The following MAP7D3 variants were observed in gnomAD, a reference collection of about 807,000 sequenced individuals.
MAP7D3 encodes the protein MAP7 domain containing 3, also known as MAP7 domain-containing protein 3.
Under a neutral mutation model 62.2 loss-of-function variants are expected in MAP7D3, and 45 were observed. That is an observed-to-expected ratio of 0.72 (90% CI 0.57 to 0.93). The LOEUF (loss-of-function observed/expected upper bound fraction) is 0.93, where lower values mean the gene tolerates loss of function less well. Ranked by LOEUF, MAP7D3 falls within the 40% of genes least tolerant of loss-of-function variation. MAP7D3 has a pLI of 0.00. For synonymous variants in MAP7D3, 288 were observed against 248.8 expected (o/e 1.16, Z -1.48); for missense variants, 711 against 683.1 (o/e 1.04, Z -0.45).
At position 136,219,793 on chromosome X, in the gene MAP7D3, T is replaced by C. The variant is rs773189801; in HGVS notation, c.2487-122A>G. On this transcript the variant is annotated intron_variant, in intron 16 of 18. Coordinates refer to ENST00000316077, the MANE Select transcript of MAP7D3 (RefSeq NM_024597.4). ...CTTGGAATTAAAAAACATTTCAGAA[T>C]CATAGAACAGGATGACTGAAAGGAA... The C allele has an allele frequency of 6.2e-5, 37 of 593,791 alleles. 1 individual carries two copies. The Middle Eastern group carries it at 3.2e-3, about 51-fold the overall frequency. The allele number at this position is 593,791 out of a possible 1,213,427, so 48.9% of individuals were successfully genotyped here.
chrX:136,236,467 T>C (rs764498027), intron 6 of MAP7D3, 128 bp from the exon 7 acceptor site: 1 of 328,658 alleles, frequency 3.0e-6, no homozygotes, highest in South Asian at 1.2e-4. Context: ...TCAAATATTA[T>C]GCAGAGATTC....
At chrX:136,255,003 G>A (rs746494942), upstream of MAP7D3, among the ~76,000 whole-genome samples, 1 of 112,197 alleles carries the variant, frequency 8.9e-6, no homozygotes, top group Non-Finnish European at 1.9e-5. Context: ...ATCACCTGAG[G>A]TCAGGATTCC....
At chrX:136,219,971 TAGTA>T (rs1450181855) in intron 16 of MAP7D3, among the ~76,000 whole-genome samples, 1 of 111,053 alleles carries the variant, frequency 9.0e-6, no homozygotes, top group Non-Finnish European at 1.9e-5. Context: ...CAGTGAGGTG[TAGTA>T]ACAGAATTGG....
rs144383969 is a variant in MAP7D3 at position 136,248,291 on chromosome X, G to A, written c.71-1950C>T. 4.3e-4 allele frequency among the ~76,000 whole-genome samples: 48 copies of A among 112,509 alleles called. No homozygotes were observed. The East Asian group carries it at 0.013, about 31-fold the overall frequency. On this transcript the variant is annotated intron_variant, in intron 1 of 18. Transcript: ENST00000316077. ...TGAACCGAATCATATAAAGGTTAAT[G>A]TGGTAGTAGTATCAAATCTGATTTT...
chrX:136,242,180 C>A (rs2074397186), intron 4 of MAP7D3, among the ~76,000 whole-genome samples: 1 of 112,482 alleles, frequency 8.9e-6, no homozygotes, highest in Non-Finnish European at 1.9e-5. Flanking sequence ...AAAGTTGATA[C>A]AATGGGCAAC....
chrX:136,240,338 T>C (rs1396985087), intron 6 of MAP7D3, 44 bp downstream of exon 6: 1 of 808,690 alleles, frequency 1.2e-6, no homozygotes, highest in Admixed American at 2.3e-5. Context: ...AGAACTGATT[T>C]CATTTAATAG....
At chrX:136,223,243 T>C (rs1281429715) in intron 14 of MAP7D3, among the ~76,000 whole-genome samples, 1 of 111,372 alleles carries the variant, frequency 9.0e-6, no homozygotes, top group Non-Finnish European at 1.9e-5. Context: ...TAAATTCTCA[T>C]GTCATTTAAT....
At chrX:136,230,138 T>C (rs2074249566) in intron 10 of MAP7D3, among the ~76,000 whole-genome samples, 1 of 107,971 alleles carries the variant, frequency 9.3e-6, no homozygotes, top group Non-Finnish European at 1.9e-5. Flanking sequence ...GCCAGACCTA[T>C]GCTTTTAAAA....
chrX:136,229,309 A>G (rs1283674024), intron 10 of MAP7D3, among the ~76,000 whole-genome samples: 3 of 111,587 alleles, frequency 2.7e-5, no homozygotes, highest in Non-Finnish European at 5.6e-5. Flanking sequence ...GCATATGATG[A>G]TATTTTGGTC....
At chrX:136,250,749 C>T (rs1172970635) in intron 1 of MAP7D3, among the ~76,000 whole-genome samples, 1 of 112,281 alleles carries the variant, frequency 8.9e-6, no homozygotes, top group Non-Finnish European at 1.9e-5. Flanking sequence ...AGTAAAAGCG[C>T]CTAAACTCGC....
upstream of MAP7D3, among the ~76,000 whole-genome samples, chrX:136,252,564 C>T (rs1453930379): frequency 9.8e-6 from 1 of 101,700 alleles, no homozygotes; most frequent in Non-Finnish European, 2.0e-5. Context: ...GTAATCCCAG[C>T]TACTTGGGAG....
At position 136,225,936 on chromosome X, in the gene MAP7D3, A is replaced by G. The variant is rs771643067; in HGVS notation, c.2112T>C (p.Asn704=). The change falls in exon 13 of 19, where the codon AAT becomes AAC. Residue 704 remains asparagine (N), a synonymous_variant. Transcript: ENST00000316077. ...KKEHERIMLQ[N]LQERLERKKR... Reference sequence around the variant, plus strand: ...TTTTCCTTTCTAACCGTTCTTGTAAATTTTGTAACATAATTCTCTCGTGTT... The same window carrying G: ...TTTTCCTTTCTAACCGTTCTTGTAAGTTTTGTAACATAATTCTCTCGTGTT... 2.5e-6 allele frequency: 3 copies of G among 1,199,405 alleles called. No homozygotes were observed. The South Asian group carries it at 5.4e-5, about 22-fold the overall frequency.
upstream of MAP7D3, among the ~76,000 whole-genome samples, chrX:136,253,096 C>T (rs1279736081): frequency 1.8e-5 from 2 of 110,448 alleles, no homozygotes; most frequent in Admixed American, 9.6e-5. Flanking sequence ...GACTCTGTCT[C>T]GAAGAAAAAA....
intron 16 of MAP7D3, among the ~76,000 whole-genome samples, chrX:136,220,028 C>G (rs778836488): frequency 8.9e-6 from 1 of 112,297 alleles, no homozygotes; most frequent in Non-Finnish European, 1.9e-5. Context: ...ATCATCACAC[C>G]TCTCAGCAGA....
At chrX:136,233,627 A>C (rs1473362610) in intron 7 of MAP7D3, among the ~76,000 whole-genome samples, 4 of 88,180 alleles carry the variant, frequency 4.5e-5, no homozygotes, top group Non-Finnish European at 8.9e-5. Flanking sequence ...AGACCTGGTA[A>C]ATTAAACTAA....
chrX:136,256,307 G>A (rs1569532617), upstream of MAP7D3: 6 of 1,154,561 alleles, frequency 5.2e-6, no homozygotes, highest in East Asian at 3.3e-5. Context: ...GACTTACCTC[G>A]GGGGCTGGTC....
upstream of MAP7D3, among the ~76,000 whole-genome samples, chrX:136,252,364 T>G (rs1251265540): frequency 1.8e-5 from 2 of 109,244 alleles, no homozygotes; most frequent in African/African-American, 3.3e-5. Flanking sequence ...GTTACATATA[T>G]TAATATATAA....
chrX:136,230,399 T>C lies in MAP7D3; in HGVS notation c.1736A>G (p.His579Arg). The change falls in exon 10 of 19, where the codon CAT becomes CGT. Residue 579 changes from histidine to arginine, a missense_variant. By Grantham distance (29) the His-to-Arg change is conservative (BLOSUM62 0). Transcript: ENST00000316077. Reference sequence around the variant, plus strand: ...AAAGAACTTACCTTCATAGATCATATGCCTTTGGCTCAAAGCCTCACATCT... The same window carrying C: ...AAAGAACTTACCTTCATAGATCATACGCCTTTGGCTCAAAGCCTCACATCT... ...TNRCEALSQR[H>R]MIYEESGNKS... 1.7e-6 allele frequency: 2 copies of C among 1,180,783 alleles called. No homozygotes were observed. Among genetic ancestry groups the C allele is most frequent in the Non-Finnish European group, 2.3e-6 (2 of 868,050 alleles).
At chrX:136,246,205 A>T in intron 2 of MAP7D3, 38 bp downstream of exon 2, 1 of 1,125,221 alleles carries the variant, frequency 8.9e-7, no homozygotes, top group Non-Finnish European at 1.2e-6. Flanking sequence ...TAAAGATATG[A>T]CACTTTGACA....
Sources: gnomAD v4.1 joint callset for allele counts (sites outside exome capture counted in the v4.1 genomes callset) on GRCh38, gnomAD v4.1.1 for gene constraint, MANE v1.5 for transcripts, NCBI Gene and HGNC (gene_info 2026-07-23, HGNC 2026-07-21) for gene names.